The following GLRA2 variants were observed in gnomAD, a reference collection of about 807,000 sequenced individuals.
The protein encoded by GLRA2 is glycine receptor subunit alpha-2.
Under a neutral mutation model 31.6 loss-of-function variants are expected in GLRA2, and 11 were observed. The observed-to-expected ratio is 0.35, with a 90% CI of 0.22 to 0.58. The LOEUF (loss-of-function observed/expected upper bound fraction) is 0.58. Ranked by LOEUF, GLRA2 falls within the 20% of genes least tolerant of loss-of-function variation. The pLI is 0.84. For synonymous variants in GLRA2, 132 were observed against 134.0 expected (o/e 0.99, Z 0.10); for missense variants, 212 against 351.8 (o/e 0.60, Z 3.18).
chrX:14,671,262 T>C (rs2091089599), intron 7 of GLRA2, among the ~76,000 whole-genome samples: 1 of 111,883 alleles, frequency 8.9e-6, no homozygotes, highest in African/African-American at 3.3e-5. Flanking sequence ...ATGGCAATGA[T>C]GTGGCAGGCA....
At chrX:14,564,305 T>C (rs957801475) in intron 2 of GLRA2, among the ~76,000 whole-genome samples, 1 of 109,402 alleles carries the variant, frequency 9.1e-6, no homozygotes, top group Non-Finnish European at 1.9e-5. Context: ...AATGGGATGA[T>C]ATATTTAAAG....
chrX:14,632,683 G>A (rs1250667513), intron 7 of GLRA2, among the ~76,000 whole-genome samples: 1 of 110,931 alleles, frequency 9.0e-6, no homozygotes, highest in Non-Finnish European at 1.9e-5. Context: ...GACTGCTTTG[G>A]GGGGTAGGGG....
chrX:14,690,757 G>A lies in GLRA2; in HGVS notation c.978G>A (p.Leu326=). ...ACATCTGGATGGCGGTGTGCCTTCT[G>A]TTTGTGTTTGCTGCCTTACTGGAAT... ...AIDIWMAVCL[L]FVFAALLEYA... is the part of the protein sequence containing the mutation. Residue 326 remains leucine, a synonymous_variant, in exon 8 of 9, where the codon CTG becomes CTA. Coordinates refer to ENST00000218075, the MANE Select transcript of GLRA2 (RefSeq NM_002063.4). The A allele has an allele frequency of 1.7e-6, 2 of 1,206,895 alleles. No individual in the cohort carries two copies.
chrX:14,495,694 C>CAT, the GLRA2 span, among the ~76,000 whole-genome samples: 81 of 108,272 alleles, frequency 7.5e-4, no homozygotes, highest in South Asian at 5.6e-3. Flanking sequence ...GAAAATATTA[C>CAT]ATATATATAT....
chrX:14,718,557 GAT>G (rs777391947), intron 8 of GLRA2, among the ~76,000 whole-genome samples: 1 of 112,052 alleles, frequency 8.9e-6, no homozygotes, highest in East Asian at 2.8e-4. Context: ...TCTACTACAT[GAT>G]GTCTGACATA....
the GLRA2 span, among the ~76,000 whole-genome samples, chrX:14,519,118 G>A: frequency 3.7e-5 from 4 of 108,734 alleles, no homozygotes; most frequent in African/African-American, 1.3e-4. Context: ...TGGCTACAAG[G>A]CAATTTATTT....
chrX:14,518,116 C>T, the GLRA2 span, among the ~76,000 whole-genome samples: 1 of 110,736 alleles, frequency 9.0e-6, no homozygotes, highest in East Asian at 2.8e-4. Context: ...GGTACTGAAC[C>T]CTTAGTAATC....
At chrX:14,545,449 CA>C (rs2089466460) in intron 2 of GLRA2, among the ~76,000 whole-genome samples, 1 of 111,252 alleles carries the variant, frequency 9.0e-6, no homozygotes, top group Non-Finnish European at 1.9e-5. Flanking sequence ...ATGACCTAAT[CA>C]TCTCTTAGAG....
chrX:14,599,308 A>G (rs1002500078), intron 4 of GLRA2, among the ~76,000 whole-genome samples: 1 of 112,200 alleles, frequency 8.9e-6, no homozygotes, highest in Non-Finnish European at 1.9e-5. Context: ...TGGCCTTAAT[A>G]TTTCAGATTA....
chrX:14,695,231 A>C (rs1438462608), intron 8 of GLRA2, among the ~76,000 whole-genome samples: 2 of 111,705 alleles, frequency 1.8e-5, no homozygotes, highest in African/African-American at 6.5e-5. Context: ...GGGCAGAAAA[A>C]GGAACAAAGG....
At chrX:14,491,536 T>A in the GLRA2 span, among the ~76,000 whole-genome samples, 1 of 112,256 alleles carries the variant, frequency 8.9e-6, no homozygotes, top group African/African-American at 3.2e-5. Context: ...AATCAGTGGT[T>A]CTTAAACTTC....
intron 7 of GLRA2, among the ~76,000 whole-genome samples, chrX:14,661,892 A>T (rs2090994425): frequency 9.3e-6 from 1 of 107,630 alleles, no homozygotes; most frequent in African/African-American, 3.4e-5. Context: ...AAAAAAAAAA[A>T]GTAGAAAACA....
At chrX:14,634,924 G>A (rs369923590) in intron 7 of GLRA2, among the ~76,000 whole-genome samples, 3 of 112,057 alleles carry the variant, frequency 2.7e-5, no homozygotes, top group African/African-American at 9.7e-5. Context: ...AATCTGTTTC[G>A]AGGAGAGAAT....
At chrX:14,557,257 A>C (rs1199468682) in intron 2 of GLRA2, among the ~76,000 whole-genome samples, 1 of 106,728 alleles carries the variant, frequency 9.4e-6, no homozygotes, top group East Asian at 2.9e-4. Context: ...CTGGGACTAC[A>C]GGCGCCCACC....
chrX:14,558,767 G>A (rs1433908181), intron 2 of GLRA2, among the ~76,000 whole-genome samples: 1 of 111,267 alleles, frequency 9.0e-6, no homozygotes, highest in Non-Finnish European at 1.9e-5. Context: ...CACAGAAGAT[G>A]CTATTTGGTT....
At chrX:14,460,398 G>A in the GLRA2 span, among the ~76,000 whole-genome samples, 1 of 111,842 alleles carries the variant, frequency 8.9e-6, no homozygotes, top group African/African-American at 3.3e-5. Flanking sequence ...AAATGCGTTA[G>A]GGAGGATTCC....
the GLRA2 span, among the ~76,000 whole-genome samples, chrX:14,458,652 G>T: frequency 1.3e-4 from 15 of 112,212 alleles, no homozygotes; most frequent in East Asian, 1.7e-3. Context: ...ATCTGTCTGT[G>T]GGCTGCATAA....
chrX:14,479,241 G>A, the GLRA2 span, among the ~76,000 whole-genome samples: 564 of 112,043 alleles, frequency 5.0e-3, 5 homozygotes, highest in African/African-American at 0.018. Context: ...ATCAGAGATA[G>A]TTTGCTCTGT....
chrX:14,721,965 C>T (rs1053467804), intron 8 of GLRA2, among the ~76,000 whole-genome samples: 5 of 111,881 alleles, frequency 4.5e-5, no homozygotes, highest in Non-Finnish European at 9.4e-5. Flanking sequence ...CAGCAATTGC[C>T]TTTCTTTCCT....
Sources: allele counts gnomAD v4.1 joint callset (sites outside exome capture counted in the v4.1 genomes callset), GRCh38; gene constraint gnomAD v4.1.1; transcripts MANE v1.5; gene names NCBI Gene and HGNC (gene_info 2026-07-23, HGNC 2026-07-21).